MBTD1: variants seen among roughly 807,000 people sequenced by gnomAD.
MBTD1 encodes MBT domain-containing protein 1.
In MBTD1, 24 loss-of-function variants were observed where a neutral mutation model predicts 87.8. That is an observed-to-expected ratio of 0.27 (90% CI 0.20 to 0.38). MBTD1 has a LOEUF of 0.38. Ranked by LOEUF, MBTD1 falls within the 10% of genes least tolerant of loss-of-function variation. MBTD1 has a pLI of 1.00. For synonymous variants in MBTD1, 237 were observed against 248.6 expected (o/e 0.95, Z 0.44); for missense variants, 436 against 760.2 (o/e 0.57, Z 5.02).
At chr17:51,211,669 T>G (rs1390358030) in intron 6 of MBTD1, among the ~76,000 whole-genome samples, 1 of 152,006 alleles carries the variant, frequency 6.6e-6, no homozygotes, top group East Asian at 1.9e-4. Context: ...AGAAGGAAAA[T>G]CCTGCAATCT....
At chr17:51,242,940 G>A (rs2054236495) in intron 2 of MBTD1, among the ~76,000 whole-genome samples, 1 of 152,078 alleles carries the variant, frequency 6.6e-6, no homozygotes, top group South Asian at 2.1e-4. Flanking sequence ...TCTTGCAGCT[G>A]CATAGTACTC....
intron 2 of MBTD1, among the ~76,000 whole-genome samples, chr17:51,235,935 T>G (rs949908419): frequency 5.9e-5 from 9 of 152,166 alleles, no homozygotes; most frequent in African/African-American, 2.2e-4. Context: ...AGTAGGGTTT[T>G]AGCATGAATA....
chr17:51,211,793 AC>A lies in MBTD1; in HGVS notation c.487-4789del, dbSNP rs111658397. 2.0e-3 allele frequency among the ~76,000 whole-genome samples: 309 copies of A among 151,896 alleles called. 3 individuals are homozygous for A. Among genetic ancestry groups the A allele is most frequent in the South Asian group, 0.012 (59 of 4,808 alleles). On this transcript the variant is annotated intron_variant, in intron 6 of 16. Coordinates refer to ENST00000586178, the MANE Select transcript of MBTD1 (RefSeq NM_017643.3). The stretch of plus-strand genomic sequence containing the variant: ...GGGGTCACGACTAGGGAAAAAAAAA[AC>A]CAAAAATGACTCTACTTGAAAAAGA...
intron 2 of MBTD1, 48 bp from the exon 3 acceptor site, chr17:51,225,257 AC>A: frequency 1.9e-6 from 2 of 1,050,744 alleles, no homozygotes; most frequent in Non-Finnish European, 2.6e-6. Context: ...ACTCATACAC[AC>A]CCCCTAAAAG....
intron 16 of MBTD1, chr17:51,185,478 C>T (rs1400292699): frequency 6.6e-6 from 1 of 152,220 alleles, no homozygotes; most frequent in Non-Finnish European, 1.5e-5. Flanking sequence ...AATCACTATA[C>T]ATACATAATC....
At chr17:51,200,972 A>G (rs1253548960) in intron 12 of MBTD1, among the ~76,000 whole-genome samples, 5 of 151,974 alleles carry the variant, frequency 3.3e-5, no homozygotes, top group Non-Finnish European at 5.9e-5. Context: ...ACCTAGGGAG[A>G]CCCTGTACCT....
At chr17:51,250,426 G>A (rs1418820539) in intron 2 of MBTD1, 1 of 152,138 alleles carries the variant, frequency 6.6e-6, no homozygotes, top group African/African-American at 2.4e-5. Context: ...CTCAGGAGGG[G>A]TAAACGAGTA....
chr17:51,252,962 T>C (rs996915113), intron 2 of MBTD1, among the ~76,000 whole-genome samples: 6 of 151,552 alleles, frequency 4.0e-5, no homozygotes, highest in African/African-American at 1.5e-4. Flanking sequence ...AGATACTAGA[T>C]GAGAAAGCTA....
At position 51,229,850 on chromosome 17, in the gene MBTD1, T is replaced by A. The variant is rs1428445379; in HGVS notation, c.-48-4641A>T. 3.9e-5 allele frequency among the ~76,000 whole-genome samples: 6 copies of A among 152,080 alleles called. No individual in the cohort carries two copies. The South Asian group carries it at 1.3e-3, about 32-fold the overall frequency. ...TAATTTTTTGTATTTTTAGTAGAGATGGGATTTCACCTCGTTAACCAGGAT... is the reference window on the plus strand; with the variant it reads ...TAATTTTTTGTATTTTTAGTAGAGAAGGGATTTCACCTCGTTAACCAGGAT... On this transcript the variant is annotated intron_variant, in intron 2 of 16. Transcript: ENST00000586178.
intron 16 of MBTD1, chr17:51,186,377 T>G (rs2050534626): frequency 6.6e-6 from 1 of 151,990 alleles, no homozygotes; most frequent in African/African-American, 2.4e-5. Flanking sequence ...ACTGACTGAA[T>G]GTGTGTGTTG....
rs1351986321 is a variant in MBTD1, at chr17:51,203,007, T to TA, written c.829-73dup. ...TACAAGAAATTTTTGTATTATACTGTAAAAAATACTGAATGCACTTGAAAT... is the reference window on the plus strand; with the variant it reads ...TACAAGAAATTTTTGTATTATACTGTAAAAAAATACTGAATGCACTTGAAAT... On this transcript the variant is annotated intron_variant, in intron 9 of 16. Transcript: ENST00000586178. The TA allele has an allele frequency of 3.8e-6, 5 of 1,326,120 alleles. No homozygotes were observed. In the Admixed American group the frequency reaches 5.4e-5, roughly 14 times the overall value. 82.1% of individuals were successfully genotyped at this position (1,326,120 alleles called of 1,614,324 possible). A position where few individuals can be genotyped will look rare whatever the true frequency, so the allele number is the denominator to read the frequency against.
chr17:51,229,961 A>G (rs1238964235), intron 2 of MBTD1, among the ~76,000 whole-genome samples: 2 of 152,170 alleles, frequency 1.3e-5, no homozygotes, highest in African/African-American at 2.4e-5. Context: ...CCCAGCCAGT[A>G]TACTTTTTTA....
Position 51,180,625 on chromosome 17 carries a change from T to G in MBTD1, c.1838A>C (p.Asp613Ala). The G allele has an allele frequency of 6.4e-7, 1 of 1,551,838 alleles. No individual in the cohort carries two copies. The highest frequency in any genetic ancestry group is 1.2e-5 in the South Asian group (1 of 84,044). ...EDYNFLQGAS[D>A]QESNGSANFY... ...GTTGGCAGAGCCATTGCTTTCCTGA[T>G]CAGACGCTCCTTGAAGGAAATTATA... The change falls in exon 17 of 17, where the codon GAT (aspartate) becomes GCT (alanine). Residue 613 changes from aspartate (D) to alanine (A), a missense_variant. Around this residue, in one of 5 missense-constraint regions of MBTD1, gnomAD observed 32 missense variants for 34.7 expected, o/e 0.92. Coordinates refer to ENST00000586178, the MANE Select transcript of MBTD1 (RefSeq NM_017643.3).
upstream of MBTD1, chr17:51,260,561 C>T (rs1480581303): frequency 1.4e-5 from 23 of 1,600,382 alleles, no homozygotes; most frequent in Middle Eastern, 1.7e-4. Context: ...ACGTGAGCGC[C>T]TGCGTTTCTC....
At chr17:51,227,038 C>A (rs979371679) in intron 2 of MBTD1, among the ~76,000 whole-genome samples, 4 of 151,782 alleles carry the variant, frequency 2.6e-5, no homozygotes, top group Admixed American at 2.0e-4. Context: ...GTCAGGAGAT[C>A]GAGACCATCC....
Position 51,210,757 on chromosome 17 carries a change from A to AAACAACAAC in MBTD1, c.487-3761_487-3753dup, listed in dbSNP as rs71149353. ...GGCAACAGAGCAAGACTCTGTCTCA[A>AAACAACAAC]AACAACAACAACAACAACAACAACA... On this transcript the variant is annotated intron_variant, in intron 6 of 16. Coordinates refer to ENST00000586178, the MANE Select transcript of MBTD1 (RefSeq NM_017643.3). Among the ~76,000 whole-genome samples, 21 of 149,586 alleles carry AAACAACAAC rather than the reference A, an allele frequency of 1.4e-4. 1 individual carries two copies. Among genetic ancestry groups the AAACAACAAC allele is most frequent in the African/African-American group, 3.0e-4 (12 of 40,510 alleles).
At chr17:51,192,642 A>G (rs1289770316) in intron 15 of MBTD1, 140 bp downstream of exon 15, 4 of 1,437,934 alleles carry the variant, frequency 2.8e-6, no homozygotes, top group African/African-American at 1.4e-5. Context: ...ATTGTTGTTG[A>G]GTCTTAATGT....
At chr17:51,216,675 T>C (rs2052588077) in intron 6 of MBTD1, among the ~76,000 whole-genome samples, 1 of 152,226 alleles carries the variant, frequency 6.6e-6, no homozygotes, top group African/African-American at 2.4e-5. Flanking sequence ...ACATACACAA[T>C]GAATGGTTTG....
chr17:51,202,630 A>C, intron 10 of MBTD1, 71 bp downstream of exon 10: 1 of 1,155,858 alleles, frequency 8.7e-7, no homozygotes, highest in Non-Finnish European at 1.3e-6. Flanking sequence ...AATTCTGCAG[A>C]GAAAAATAAC....
Sources: gnomAD v4.1 joint callset for allele counts (sites outside exome capture counted in the v4.1 genomes callset) on GRCh38, gnomAD v4.1.1 for gene constraint, gnomAD v4.1.1 regional missense constraint, MANE v1.5 for transcripts, NCBI Gene and HGNC (gene_info 2026-07-23, HGNC 2026-07-21) for gene names.